The following TBC1D22A variants were observed in gnomAD, a reference collection of about 807,000 sequenced individuals.
The protein encoded by TBC1D22A is TBC1 domain family member 22A.
A neutral mutation model predicts 60.2 loss-of-function variants in TBC1D22A; 38 were observed. That is an observed-to-expected ratio of 0.63 (90% confidence interval 0.49 to 0.83). TBC1D22A has a LOEUF of 0.83. Among genes scored for constraint, TBC1D22A ranks in the 40% least tolerant of loss-of-function variants. The pLI, the probability that TBC1D22A is intolerant of heterozygous loss-of-function variation, is 0.00. For synonymous variants in TBC1D22A, 302 were observed against 281.7 expected (o/e 1.07, Z -0.72); for missense variants, 628 against 701.0 (o/e 0.90, Z 1.18).
intron 12 of TBC1D22A, among the ~76,000 whole-genome samples, chr22:47,114,074 C>A (rs2065943576): frequency 6.6e-6 from 1 of 152,214 alleles, no homozygotes; most frequent in East Asian, 1.9e-4. Flanking sequence ...TTGGGCTTTT[C>A]TGTGAGGGAT....
At chr22:47,092,671 G>A (rs144108409) in intron 11 of TBC1D22A, among the ~76,000 whole-genome samples, 46 of 152,306 alleles carry the variant, frequency 3.0e-4, no homozygotes, top group Non-Finnish European at 2.6e-4. Context: ...AACGTGGGTC[G>A]CTCACTGAGA....
At chr22:47,083,512 G>C (rs1388294222) in intron 11 of TBC1D22A, among the ~76,000 whole-genome samples, 1 of 152,138 alleles carries the variant, frequency 6.6e-6, no homozygotes, top group African/African-American at 2.4e-5. Context: ...TTCTCCCCAG[G>C]TAGTGAGGCT....
intron 1 of TBC1D22A, among the ~76,000 whole-genome samples, chr22:46,784,118 T>G (rs897428547): frequency 6.6e-5 from 10 of 152,194 alleles, no homozygotes; most frequent in African/African-American, 2.4e-4. Flanking sequence ...CGATCACAGC[T>G]CACTGCAACC....
chr22:46,906,756 G>GTA (rs2069499766), intron 7 of TBC1D22A, among the ~76,000 whole-genome samples: 1 of 151,908 alleles, frequency 6.6e-6, no homozygotes, highest in Non-Finnish European at 1.5e-5. Context: ...GTGGCTGTGT[G>GTA]TGTGTCCCAG....
intron 10 of TBC1D22A, among the ~76,000 whole-genome samples, chr22:46,999,978 T>A (rs2148245271): frequency 6.6e-6 from 1 of 152,230 alleles, no homozygotes; most frequent in East Asian, 1.9e-4. Flanking sequence ...TGAGCCGAGA[T>A]CGTGCCACTG....
At chr22:47,115,378 A>T (rs1379600468) in intron 12 of TBC1D22A, among the ~76,000 whole-genome samples, 1 of 98,944 alleles carries the variant, frequency 1.0e-5, no homozygotes, top group Middle Eastern at 8.5e-3. Flanking sequence ...CCACATGTTG[A>T]TGTCCAGTGG....
intron 1 of TBC1D22A, among the ~76,000 whole-genome samples, chr22:46,780,794 G>A (rs997142711): frequency 1.3e-5 from 2 of 152,246 alleles, no homozygotes; most frequent in Non-Finnish European, 2.9e-5. Context: ...GACTTGAATG[G>A]AGAAACATAA....
intron 10 of TBC1D22A, among the ~76,000 whole-genome samples, chr22:47,001,283 A>AT (rs2061398770): frequency 7.3e-6 from 1 of 137,000 alleles, no homozygotes; most frequent in Non-Finnish European, 1.5e-5. Flanking sequence ...CTGAAATTGT[A>AT]TTTTTTTCTT....
intron 11 of TBC1D22A, among the ~76,000 whole-genome samples, chr22:47,045,240 G>A (rs573946957): frequency 3.3e-4 from 51 of 152,330 alleles, no homozygotes; most frequent in African/African-American, 1.1e-3. Context: ...CTGCACACGC[G>A]GCTGTGTGTT....
At chr22:46,872,434 C>T (rs1602249404) in intron 4 of TBC1D22A, among the ~76,000 whole-genome samples, 1 of 152,158 alleles carries the variant, frequency 6.6e-6, no homozygotes, top group East Asian at 1.9e-4. Flanking sequence ...AGCAAATTGA[C>T]TTTTGCCTTA....
chr22:46,983,238 C>T (rs965946483), intron 9 of TBC1D22A, among the ~76,000 whole-genome samples: 8 of 152,182 alleles, frequency 5.3e-5, no homozygotes, highest in African/African-American at 1.7e-4. Context: ...TGTGGGCAGA[C>T]AGCTGTGAGG....
intron 12 of TBC1D22A, among the ~76,000 whole-genome samples, chr22:47,132,288 C>T (rs773692567): frequency 3.2e-4 from 49 of 152,194 alleles, no homozygotes; most frequent in Non-Finnish European, 2.9e-4. Flanking sequence ...CCCCGTGCCA[C>T]CCCGTTCTTC....
At chr22:46,915,909 C>G (rs1194048561) in intron 8 of TBC1D22A, 1 of 450,354 alleles carries the variant, frequency 2.2e-6, no homozygotes, top group African/African-American at 2.0e-5. Context: ...GGTTCCAACT[C>G]TGCACATGCT....
chr22:47,158,052 C>A (rs756916279), intron 12 of TBC1D22A, among the ~76,000 whole-genome samples: 1 of 152,220 alleles, frequency 6.6e-6, no homozygotes, highest in Non-Finnish European at 1.5e-5. Context: ...CTTGCACCCC[C>A]ACCCCTGCAT....
At chr22:46,873,669 C>T (rs1438439065) in intron 4 of TBC1D22A, among the ~76,000 whole-genome samples, 2 of 152,220 alleles carry the variant, frequency 1.3e-5, no homozygotes, top group Non-Finnish European at 1.5e-5. Flanking sequence ...TCCCTCATCC[C>T]ATCCTCTGCC....
chr22:47,009,486 C>T lies in TBC1D22A; in HGVS notation c.1201+11777C>T, dbSNP rs111220671. Among the ~76,000 whole-genome samples the T allele has an allele frequency of 5.7e-5, 5 of 87,888 alleles. No homozygotes were observed. The highest frequency in any genetic ancestry group is 1.1e-4 in the Non-Finnish European group (4 of 36,038). 57.7% of individuals were successfully genotyped at this position (87,888 alleles called of 152,430 possible). A position where few individuals can be genotyped will look rare whatever the true frequency, so the allele number is the denominator to read the frequency against. On this transcript the variant is annotated intron_variant, in intron 10 of 12. Coordinates refer to ENST00000337137, the MANE Select transcript of TBC1D22A (RefSeq NM_014346.5). The surrounding 1 kb of genome is among the most constrained non-coding windows in gnomAD (Gnocchi z 5.8). The stretch of plus-strand genomic sequence containing the variant: ...TCACCATCGTCATCACTATCACCAT[C>T]ATTTCATCACCATCATCACCACCAT...
chr22:46,964,379 T>C (rs559441463), intron 8 of TBC1D22A, among the ~76,000 whole-genome samples: 1 of 152,306 alleles, frequency 6.6e-6, no homozygotes, highest in South Asian at 2.1e-4. Flanking sequence ...CTGCAGAGCA[T>C]GCGGCCTCTG....
intron 10 of TBC1D22A, among the ~76,000 whole-genome samples, chr22:47,034,051 G>A (rs1343308328): frequency 6.6e-6 from 1 of 152,212 alleles, no homozygotes; most frequent in Non-Finnish European, 1.5e-5. Flanking sequence ...GCACCGTTTT[G>A]TTCTCTCCAC....
At chr22:47,164,457 G>C (rs547696437) in intron 12 of TBC1D22A, among the ~76,000 whole-genome samples, 1 of 152,202 alleles carries the variant, frequency 6.6e-6, no homozygotes, top group East Asian at 1.9e-4. Flanking sequence ...GAGGTTTTTC[G>C]GCGAGGGTCC....
Sources: gnomAD v4.1 joint callset for allele counts (sites outside exome capture counted in the v4.1 genomes callset) on GRCh38, gnomAD v4.1.1 for gene constraint, Gnocchi (gnomAD v3.1) non-coding constraint, MANE v1.5 for transcripts, NCBI Gene and HGNC (gene_info 2026-07-23, HGNC 2026-07-21) for gene names.